Variants in GHR observed in about 807,000 individuals in gnomAD.
GHR encodes growth hormone receptor.
In GHR, 35 loss-of-function variants were observed where a neutral mutation model predicts 67.1. That is an observed-to-expected ratio of 0.52 (90% CI 0.40 to 0.69). The LOEUF (loss-of-function observed/expected upper bound fraction) is 0.69, where lower values mean the gene tolerates loss of function less well. Ranked by LOEUF, GHR falls within the 30% of genes least tolerant of loss-of-function variation. The probability of loss-of-function intolerance (pLI) is 0.00; values close to 1 mark genes in which losing one functional copy is unlikely to be tolerated. For synonymous variants in GHR, 272 were observed against 269.1 expected (o/e 1.01, Z -0.10); for missense variants, 792 against 764.6 (o/e 1.04, Z -0.42).
At chr5:42,618,232 C>A (rs933922484) in intron 2 of GHR, among the ~76,000 whole-genome samples, 1 of 152,204 alleles carries the variant, frequency 6.6e-6, no homozygotes, top group South Asian at 2.1e-4. Context: ...TTTCTGGAAC[C>A]ACTTCCATGT....
intron 1 of GHR, among the ~76,000 whole-genome samples, chr5:42,474,333 G>GAAAGAAAGAAAGAAAGAAAGAAAGA (rs144590349): frequency 8.7e-5 from 13 of 149,222 alleles, no homozygotes; most frequent in South Asian, 2.2e-4. Context: ...AAGAAAGAAA[G>GAAAGAAAGAAAGAAAGAAAGAAAGA]AAAGAAAAGA....
rs182330961 is a variant in GHR, at chr5:42,655,079, A to G, written c.136+25976A>G. Among the ~76,000 whole-genome samples the G allele has an allele frequency of 1.0e-3, 156 of 152,208 alleles. 1 individual carries two copies. Among genetic ancestry groups the G allele is most frequent in the African/African-American group, 3.7e-3 (154 of 41,518 alleles). On this transcript the variant is annotated intron_variant, in intron 3 of 9. Transcript: ENST00000230882. The stretch of plus-strand genomic sequence containing the variant: ...TAAGCCATTCCTCATTCTCCTATAT[A>G]GTCCAAAATAGCGAATACATTTTTA...
intron 3 of GHR, among the ~76,000 whole-genome samples, chr5:42,668,064 A>G (rs141973673): frequency 5.5e-4 from 84 of 152,274 alleles, no homozygotes; most frequent in African/African-American, 2.0e-3. Context: ...TGTCATTTTT[A>G]TAATTCTCAC....
intron 1 of GHR, among the ~76,000 whole-genome samples, chr5:42,538,735 G>T (rs1247287743): frequency 6.6e-6 from 1 of 152,118 alleles, no homozygotes; most frequent in Non-Finnish European, 1.5e-5. Flanking sequence ...TAGCAAGGCT[G>T]GGGAAGTTTT....
Position 42,630,264 on chromosome 5 carries a change from A to G in GHR, c.136+1161A>G, listed in dbSNP as rs1488898681. On this transcript the variant is annotated intron_variant, in intron 3 of 9. Transcript: ENST00000230882. Reference sequence around the variant, plus strand: ...TAAATCCCTTACATCTCCTAAAAAAATTCTGATCCATAGTAGTAGGTACTT... The same window carrying G: ...TAAATCCCTTACATCTCCTAAAAAAGTTCTGATCCATAGTAGTAGGTACTT... Among the ~76,000 whole-genome samples, 3 of 132,396 alleles carry G rather than the reference A, an allele frequency of 2.3e-5. 1 individual carries two copies. The highest frequency in any genetic ancestry group is 4.8e-5 in the Non-Finnish European group (3 of 62,594). The allele number at this position is 132,396 out of a possible 152,430, so 86.9% of individuals were successfully genotyped here. A position where few individuals can be genotyped will look rare whatever the true frequency, so the allele number is the denominator to read the frequency against.
intron 1 of GHR, among the ~76,000 whole-genome samples, chr5:42,524,711 G>A (rs1007947428): frequency 3.9e-5 from 6 of 152,166 alleles, no homozygotes; most frequent in Non-Finnish European, 5.9e-5. Flanking sequence ...CAGAGGCCCA[G>A]GAGGAAAAAT....
chr5:42,624,260 A>G (rs1753592809), intron 2 of GHR, among the ~76,000 whole-genome samples: 1 of 152,154 alleles, frequency 6.6e-6, no homozygotes, highest in Non-Finnish European at 1.5e-5. Flanking sequence ...AGGGCTCCCC[A>G]AGCATTTCCA....
chr5:42,458,519 A>T (rs1744353932), intron 1 of GHR, among the ~76,000 whole-genome samples: 1 of 152,156 alleles, frequency 6.6e-6, no homozygotes, highest in South Asian at 2.1e-4. Flanking sequence ...TAAAACTATA[A>T]AAAACCCTGG....
In GHR at chr5:42,688,948, A is replaced by T. The variant is rs140501920; in HGVS notation, c.195A>T (p.Ser65=). 2 of 1,613,236 alleles carry T rather than the reference A, an allele frequency of 1.2e-6. No homozygotes were observed. Among genetic ancestry groups the T allele is most frequent in the East Asian group, 2.2e-5 (1 of 44,864 alleles). ...KCRSPERETF[S]CHWTDEVHHG... ...GTTCACCTGAGCGAGAGACTTTTTC[A>T]TGCCACTGGACAGATGAGGTTCATC... Residue 65 remains serine (S), a synonymous_variant, in exon 4 of 10, where the codon TCA becomes TCT. Transcript: ENST00000230882.
At position 42,424,895 on chromosome 5, in the gene GHR, T is replaced by C. The variant is rs1334218473; in HGVS notation, c.-12+940T>C. ...ACTGTGTGTCCTGAATGAGTGTACG[T>C]GTGCGCTGTGTGTGCGCGCGCGAGT... is the stretch of plus-strand genomic sequence containing the variant. On this transcript the variant is annotated intron_variant, in intron 1 of 9. Coordinates refer to ENST00000230882, the MANE Select transcript of GHR (RefSeq NM_000163.5). This position sits in a 1 kb window ranked among gnomAD's most constrained non-coding sequence, Gnocchi z 4.1. The C allele has an allele frequency of 1.8e-6, 1 of 553,600 alleles. No individual in the cohort carries two copies. The highest frequency in any genetic ancestry group is 2.0e-5 in the African/African-American group (1 of 49,040). 34.3% of individuals were successfully genotyped at this position (553,600 alleles called of 1,614,324 possible). A position where few individuals can be genotyped will look rare whatever the true frequency, so the allele number is the denominator to read the frequency against.
At chr5:42,450,735 T>C (rs1437264297) in intron 1 of GHR, among the ~76,000 whole-genome samples, 1 of 152,176 alleles carries the variant, frequency 6.6e-6, no homozygotes, top group Non-Finnish European at 1.5e-5. Context: ...ATTGTCTATT[T>C]GTGCTCTTTC....
At chr5:42,671,904 C>G (rs1336421254) in intron 3 of GHR, among the ~76,000 whole-genome samples, 1 of 142,314 alleles carries the variant, frequency 7.0e-6, no homozygotes, top group South Asian at 2.2e-4. Context: ...TGCAGTGAGC[C>G]GAGATCCCGC....
chr5:42,484,630 G>T (rs1745799076), intron 1 of GHR, among the ~76,000 whole-genome samples: 1 of 152,238 alleles, frequency 6.6e-6, no homozygotes, highest in Admixed American at 6.5e-5. Context: ...AAGGACAGCT[G>T]CTTTCTGCTC....
intron 1 of GHR, among the ~76,000 whole-genome samples, chr5:42,435,798 T>C (rs1262394202): frequency 2.6e-5 from 4 of 152,366 alleles, no homozygotes; most frequent in African/African-American, 7.2e-5. Context: ...CATGTGCTTT[T>C]TTAATTTGGG....
At chr5:42,608,692 C>CA (rs1226847438) in intron 2 of GHR, among the ~76,000 whole-genome samples, 2 of 151,918 alleles carry the variant, frequency 1.3e-5, no homozygotes, top group Non-Finnish European at 2.9e-5. Flanking sequence ...TTAAACTAAC[C>CA]AAAAAGATAA....
intron 3 of GHR, among the ~76,000 whole-genome samples, chr5:42,653,819 T>C (rs543807273): frequency 3.2e-4 from 48 of 152,302 alleles, no homozygotes; most frequent in African/African-American, 1.2e-3. Context: ...GATGATCCTA[T>C]AAAATTTCCT....
intron 1 of GHR, among the ~76,000 whole-genome samples, chr5:42,441,239 G>A (rs1376364552): frequency 6.6e-6 from 1 of 152,138 alleles, no homozygotes; most frequent in Non-Finnish European, 1.5e-5. Context: ...GCATCTCAGA[G>A]GCCAAGGAAA....
At chr5:42,432,445 T>G (rs1743135447) in intron 1 of GHR, among the ~76,000 whole-genome samples, 1 of 152,202 alleles carries the variant, frequency 6.6e-6, no homozygotes, top group Non-Finnish European at 1.5e-5. Context: ...CAATTTTGAT[T>G]GCCATTGGTC....
chr5:42,667,353 C>T (rs1486669333), intron 3 of GHR, among the ~76,000 whole-genome samples: 4 of 152,140 alleles, frequency 2.6e-5, no homozygotes, highest in Non-Finnish European at 5.9e-5. Flanking sequence ...TTCTGCTTCA[C>T]CTCACTAATC....
Sources: allele counts gnomAD v4.1 joint callset (sites outside exome capture counted in the v4.1 genomes callset), GRCh38; gene constraint gnomAD v4.1.1; non-coding constraint Gnocchi (gnomAD v3.1); transcripts MANE v1.5; gene names NCBI Gene and HGNC (gene_info 2026-07-23, HGNC 2026-07-21).